Variants in LIPE observed in about 807,000 individuals in gnomAD.
LIPE encodes lipase E, hormone sensitive type.
LIPE carries 66 observed loss-of-function variants against 88.5 expected under a neutral mutation model. The observed-to-expected ratio is 0.75, with a 90% CI of 0.61 to 0.91. The LOEUF (loss-of-function observed/expected upper bound fraction) is 0.91. Among genes scored for constraint, LIPE ranks in the 40% least tolerant of loss-of-function variants. The pLI is 0.00. For missense variants in LIPE, 1,346 were observed against 1,434.7 expected, an observed-to-expected ratio of 0.94 and a Z score of 1.00; for synonymous variants, 570 against 617.5, an observed-to-expected ratio of 0.92 and a Z score of 1.14.
chr19:42,403,395 G>A (rs2040061613), intron 8 of LIPE, among the ~76,000 whole-genome samples: 1 of 151,822 alleles, frequency 6.6e-6, no homozygotes, highest in South Asian at 2.1e-4. Flanking sequence ...GACTCAGTGG[G>A]ATAAGATGTG....
At position 42,414,912 on chromosome 19, in the gene LIPE, T is replaced by C. The variant is rs368430758; in HGVS notation, c.884-4070A>G. Among the ~76,000 whole-genome samples the C allele has an allele frequency of 2.6e-5, 4 of 152,336 alleles. No individual in the cohort carries two copies. The East Asian group carries it at 7.7e-4, about 29-fold the overall frequency. ...GACCAGCCATTTCCCCCATCTCTCT[T>C]CTCGAGCCTCCATATTCCCTAAGAC... is the stretch of plus-strand genomic sequence containing the variant. On this transcript the variant is annotated intron_variant, in intron 1 of 9. Transcript: ENST00000244289. This position sits in a 1 kb window ranked among gnomAD's most constrained non-coding sequence, Gnocchi z 4.6.
intron 1 of LIPE, chr19:42,412,178 C>G: frequency 1.5e-6 from 1 of 687,470 alleles, no homozygotes; most frequent in Non-Finnish European, 1.8e-6. Context: ...TGCCCTGTTT[C>G]TTGGATGCCC....
rs756176216 is a variant in LIPE, at chr19:42,410,874, G to C, written c.884-32C>G. ...GCAGGTGGGGAGGCCTGTTAGGTGG[G>C]GCTGGATCAAGCCTTGCTTAGCTGG... On this transcript the variant is annotated intron_variant, in intron 1 of 9. Transcript: ENST00000244289. This position sits in a 1 kb window ranked among gnomAD's most constrained non-coding sequence, Gnocchi z 6.1. 1.3e-6 allele frequency: 2 copies of C among 1,517,630 alleles called. No individual in the cohort carries two copies. Among genetic ancestry groups the C allele is most frequent in the South Asian group, 2.6e-5 (2 of 77,510 alleles). The allele number at this position is 1,517,630 out of a possible 1,614,324, so 94.0% of individuals were successfully genotyped here. A position where few individuals can be genotyped will look rare whatever the true frequency, so the allele number is the denominator to read the frequency against.
rs2040448719 is a variant in LIPE at position 42,414,373 on chromosome 19, A to T, written c.884-3531T>A. The stretch of plus-strand genomic sequence containing the variant: ...CCCAAGCCCTTGCTGGCGACCCTGG[A>T]TGAGTCTGTTTTCCTCATCTGGAAA... On this transcript the variant is annotated intron_variant, in intron 1 of 9. Transcript: ENST00000244289. The surrounding 1 kb of genome is among the most constrained non-coding windows in gnomAD (Gnocchi z 4.6). Among the ~76,000 whole-genome samples, 1 of 152,244 alleles carries T rather than the reference A, an allele frequency of 6.6e-6. No homozygotes were observed. The highest frequency in any genetic ancestry group is 2.4e-5 in the African/African-American group (1 of 41,474).
At chr19:42,404,117 T>A (rs935464211) in intron 8 of LIPE, among the ~76,000 whole-genome samples, 1 of 150,526 alleles carries the variant, frequency 6.6e-6, no homozygotes, top group Non-Finnish European at 1.5e-5. Context: ...CAGGCTGGAG[T>A]GCAGTGGTGC....
At position 42,408,371 on chromosome 19, in the gene LIPE, G is replaced by T; in HGVS notation, c.1420-49C>A. On this transcript the variant is annotated intron_variant, in intron 2 of 9. Transcript: ENST00000244289. This position sits in a 1 kb window ranked among gnomAD's most constrained non-coding sequence, Gnocchi z 4.3. Reference sequence around the variant, plus strand: ...ACCCACCGCTCAAGAGAGGGATGGGGACAGGGCAGGAGCGAGGCACAGGGA... The same window carrying T: ...ACCCACCGCTCAAGAGAGGGATGGGTACAGGGCAGGAGCGAGGCACAGGGA... 1.4e-6 allele frequency: 2 copies of T among 1,462,194 alleles called. No individual in the cohort carries two copies. The highest frequency in any genetic ancestry group is 1.9e-6 in the Non-Finnish European group (2 of 1,042,782). The allele number at this position is 1,462,194 out of a possible 1,614,324, so 90.6% of individuals were successfully genotyped here.
intron 1 of LIPE, chr19:42,411,405 G>A (rs2040371544): frequency 1.6e-5 from 14 of 893,018 alleles, no homozygotes; most frequent in African/African-American, 1.8e-5. Context: ...CCTCCAGTTG[G>A]TCCCCATTCT....
chr19:42,407,237 G>A lies in LIPE; in HGVS notation c.2074C>T (p.Pro692Ser), dbSNP rs1395415851. Reference protein sequence around the residue: ...DYSLAPEAPFPRALEECFFAY... With the variant: ...DYSLAPEAPFSRALEECFFAY... ...AAGAAGCACTCCTCCAGCGCACGGGGGAAGGGGGCCTCAGGGGCCAGGGAG... is the reference window on the plus strand; with the variant it reads ...AAGAAGCACTCCTCCAGCGCACGGGAGAAGGGGGCCTCAGGGGCCAGGGAG... Residue 692 changes from proline (P) to serine (S), a missense_variant, in exon 6 of 10, where the codon CCC (proline) becomes TCC (serine). Physicochemically the swap from Pro to Ser is moderately conservative, Grantham distance 74. Coordinates refer to ENST00000244289, the MANE Select transcript of LIPE (RefSeq NM_005357.4). This position sits in a 1 kb window ranked among gnomAD's most constrained non-coding sequence, Gnocchi z 5.8. 1.9e-6 allele frequency: 3 copies of A among 1,583,950 alleles called. No individual in the cohort carries two copies. Among genetic ancestry groups the A allele is most frequent in the Admixed American group, 1.8e-5 (1 of 54,584 alleles).
At position 42,407,748 on chromosome 19, in the gene LIPE, A is replaced by G. The variant is rs372932853; in HGVS notation, c.1700T>C (p.Leu567Pro). Residue 567 changes from leucine to proline, a missense_variant, in exon 5 of 10, where the codon CTG (leucine) becomes CCG (proline). Physicochemically the swap from Leu to Pro is moderately conservative, Grantham distance 98 (BLOSUM62 -3). Coordinates refer to ENST00000244289, the MANE Select transcript of LIPE (RefSeq NM_005357.4). This position sits in a 1 kb window ranked among gnomAD's most constrained non-coding sequence, Gnocchi z 5.8. ...MASATVRVSR[L>P]LSLPPEAFEM... ...AAAGGCTTCGGGTGGCAGGCTGAGC[A>G]GGCGGCTTACCCTCACGGTGGCCGA... 6.4e-7 allele frequency: 1 copy of G among 1,562,270 alleles called. No homozygotes were observed.
Position 42,405,992 on chromosome 19 carries a change from A to T in LIPE, c.2365+169T>A, listed in dbSNP as rs955809636. On this transcript the variant is annotated intron_variant, in intron 7 of 9. Transcript: ENST00000244289. Reference sequence around the variant, plus strand: ...CTCTCTCTCTCACACACACACACACACACACACACACACACACACACACAC... The same window carrying T: ...CTCTCTCTCTCACACACACACACACTCACACACACACACACACACACACAC... 1.8e-3 allele frequency among the ~76,000 whole-genome samples: 268 copies of T among 148,078 alleles called. 1 individual carries two copies. Among genetic ancestry groups the T allele is most frequent in the African/African-American group, 5.1e-3 (193 of 37,900 alleles).
Position 42,407,008 on chromosome 19 carries a change from G to A in LIPE, c.2137+166C>T, listed in dbSNP as rs1027954440. Among the ~76,000 whole-genome samples the A allele has an allele frequency of 6.6e-6, 1 of 152,158 alleles. No homozygotes were observed. The highest frequency in any genetic ancestry group is 1.5e-5 in the Non-Finnish European group (1 of 68,018). ...TCTGGGTGCCACAGTTGGGGACAGAGGATAAAGTGGCTGAGGTGGAAGATT... is the reference window on the plus strand; with the variant it reads ...TCTGGGTGCCACAGTTGGGGACAGAAGATAAAGTGGCTGAGGTGGAAGATT... On this transcript the variant is annotated intron_variant, in intron 6 of 9. Transcript: ENST00000244289. This position sits in a 1 kb window ranked among gnomAD's most constrained non-coding sequence, Gnocchi z 5.8.
intron 7 of LIPE, 125 bp from the exon 8 acceptor site, chr19:42,405,686 G>C: frequency 1.1e-6 from 1 of 950,094 alleles, no homozygotes; most frequent in South Asian, 1.6e-5. Flanking sequence ...AAGGGATAAG[G>C]AGGCTGGGCG....
At chr19:42,424,040 A>G (rs1374698794) in intron 1 of LIPE, 3 of 1,182,508 alleles carry the variant, frequency 2.5e-6, no homozygotes, top group Non-Finnish European at 3.2e-6. Context: ...GCCAACTCAA[A>G]GACGAGGCGG....
Position 42,410,601 on chromosome 19 carries a change from G to A in LIPE, c.1125C>T (p.Ser375=). The A allele has an allele frequency of 2.5e-6, 4 of 1,613,398 alleles. No homozygotes were observed. The highest frequency in any genetic ancestry group is 1.6e-4 in the Middle Eastern group (1 of 6,062). ...GGCAGCAGCGGGCTGTGTGCACTAGGCTGCGGTACCCGTTGGCCGGTGTCT... is the reference window on the plus strand; with the variant it reads ...GGCAGCAGCGGGCTGTGTGCACTAGACTGCGGTACCCGTTGGCCGGTGTCT... The part of the protein sequence containing the change: ...DPETPANGYR[S]LVHTARCCLA... The change falls in exon 2 of 10, where the codon AGC becomes AGT. Residue 375 remains serine, a synonymous_variant. Coordinates refer to ENST00000244289, the MANE Select transcript of LIPE (RefSeq NM_005357.4). The surrounding 1 kb of genome is among the most constrained non-coding windows in gnomAD (Gnocchi z 6.1).
In LIPE at chr19:42,403,622, GT is replaced by G. The variant is rs983931181; in HGVS notation, c.2543-592del. ...GCCACCATGCCCGGCTAATTTTTGT[GT>G]TTTTTTTTTAGCAGAGATGGGGTTT... On this transcript the variant is annotated intron_variant, in intron 8 of 9. Coordinates refer to ENST00000244289, the MANE Select transcript of LIPE (RefSeq NM_005357.4). Among the ~76,000 whole-genome samples, 62 of 146,668 alleles carry G rather than the reference GT, an allele frequency of 4.2e-4. No homozygotes were observed. The South Asian group carries it at 4.6e-3, about 11-fold the overall frequency.
chr19:42,412,796 C>T (rs1246872754), intron 1 of LIPE, among the ~76,000 whole-genome samples: 1 of 152,232 alleles, frequency 6.6e-6, no homozygotes, highest in East Asian at 1.9e-4. Flanking sequence ...GAGCCAAAGG[C>T]CCAGTGATCT....
At chr19:42,402,115 G>GGAC in intron 9 of LIPE, 40 bp from the exon 10 acceptor site, 1 of 1,430,940 alleles carries the variant, frequency 7.0e-7, no homozygotes, top group Non-Finnish European at 9.2e-7. Flanking sequence ...GAGGGTGGGG[G>GGAC]ACAGACAGAC....
intron 1 of LIPE, among the ~76,000 whole-genome samples, chr19:42,420,080 T>C (rs529924367): frequency 2.6e-5 from 4 of 151,684 alleles, no homozygotes; most frequent in Non-Finnish European, 5.9e-5. Flanking sequence ...AAGTGACTCA[T>C]GTCGCCTGCC....
chr19:42,427,230 C>A lies in LIPE; in HGVS notation c.-81G>T. The A allele has an allele frequency of 6.8e-7, 1 of 1,480,038 alleles. No homozygotes were observed. Among genetic ancestry groups the A allele is most frequent in the South Asian group, 1.4e-5 (1 of 69,924 alleles). 91.7% of individuals were successfully genotyped at this position (1,480,038 alleles called of 1,614,324 possible). A position where few individuals can be genotyped will look rare whatever the true frequency, so the allele number is the denominator to read the frequency against. ...CACCCAGCCCTCTCTCTTCACAGATCTCTCATTGATTCCTCATGATGGCAC... is the reference window on the plus strand; with the variant it reads ...CACCCAGCCCTCTCTCTTCACAGATATCTCATTGATTCCTCATGATGGCAC... On this transcript the variant is annotated 5_prime_UTR_variant, in exon 1 of 10. Transcript: ENST00000244289.
Sources: allele counts gnomAD v4.1 joint callset (sites outside exome capture counted in the v4.1 genomes callset), GRCh38; gene constraint gnomAD v4.1.1; non-coding constraint Gnocchi (gnomAD v3.1); transcripts MANE v1.5; gene names NCBI Gene and HGNC (gene_info 2026-07-23, HGNC 2026-07-21).